INPP4B: variants seen among roughly 807,000 people sequenced by gnomAD.
INPP4B encodes inositol polyphosphate-4-phosphatase type II B.
In INPP4B, 55 loss-of-function variants were observed where a neutral mutation model predicts 122.5. That is an observed-to-expected ratio of 0.45 (90% confidence interval 0.36 to 0.56). The LOEUF is 0.56. INPP4B is among the 20% of genes least tolerant of loss of function. INPP4B has a pLI of 0.00. For missense variants in INPP4B, 1,000 were observed against 1,097.7 expected (o/e 0.91, Z 1.26); for synonymous variants, 403 against 388.7 (o/e 1.04, Z -0.43).
intron 2 of INPP4B, among the ~76,000 whole-genome samples, chr4:142,471,870 T>TACACACAC (rs145475720): frequency 4.6e-5 from 7 of 150,552 alleles, no homozygotes; most frequent in African/African-American, 1.7e-4. Flanking sequence ...CTCCATAGTA[T>TACACACAC]ACACACACAC....
intron 7 of INPP4B, among the ~76,000 whole-genome samples, chr4:142,343,501 A>C (rs1410757430): frequency 6.6e-6 from 1 of 151,592 alleles, no homozygotes; most frequent in African/African-American, 2.4e-5. Flanking sequence ...AAAAACCCCG[A>C]GAGTTTCTAA....
chr4:142,398,150 C>T (rs548004844), intron 7 of INPP4B, among the ~76,000 whole-genome samples: 40 of 150,952 alleles, frequency 2.6e-4, no homozygotes, highest in African/African-American at 9.2e-4. Context: ...CCGAGGCCGG[C>T]GGATCACGAG....
At chr4:142,104,444 A>C (rs572255030) in intron 23 of INPP4B, among the ~76,000 whole-genome samples, 4 of 152,174 alleles carry the variant, frequency 2.6e-5, no homozygotes. Flanking sequence ...AAGGAGAAGC[A>C]CTAATAACTG....
At chr4:142,310,478 A>G (rs1184780138) in intron 8 of INPP4B, among the ~76,000 whole-genome samples, 1 of 152,204 alleles carries the variant, frequency 6.6e-6, no homozygotes, top group Non-Finnish European at 1.5e-5. Context: ...TGTGACATAC[A>G]TTATATCCAT....
chr4:142,115,423 T>A (rs928560954), intron 21 of INPP4B, among the ~76,000 whole-genome samples: 1 of 152,150 alleles, frequency 6.6e-6, no homozygotes, highest in Non-Finnish European at 1.5e-5. Flanking sequence ...AAGATTGGGT[T>A]ACCCACAAAG....
intron 8 of INPP4B, among the ~76,000 whole-genome samples, chr4:142,306,105 A>G (rs1482298228): frequency 6.6e-6 from 1 of 152,146 alleles, no homozygotes; most frequent in African/African-American, 2.4e-5. Context: ...ACGAAAGAAA[A>G]TGGCACTTAT....
chr4:142,587,383 C>T (rs116734529), intron 2 of INPP4B, among the ~76,000 whole-genome samples: 3,383 of 151,660 alleles, frequency 0.022, 129 homozygotes, highest in African/African-American at 0.077. Flanking sequence ...AAAAGAATGC[C>T]CTTTTATAAA....
intron 1 of INPP4B, among the ~76,000 whole-genome samples, chr4:142,768,998 A>G (rs1034479780): frequency 2.0e-5 from 3 of 152,198 alleles, no homozygotes; most frequent in African/African-American, 7.2e-5. Context: ...CAATAGCCCA[A>G]GGTAAATGTT....
chr4:142,791,796 C>T (rs1228259812), intron 1 of INPP4B, among the ~76,000 whole-genome samples: 1 of 152,058 alleles, frequency 6.6e-6, no homozygotes, highest in East Asian at 1.9e-4. Context: ...GACACCCAGG[C>T]TCTGCTACTT....
chr4:142,395,418 A>G (rs1207522892), intron 7 of INPP4B, among the ~76,000 whole-genome samples: 1 of 152,220 alleles, frequency 6.6e-6, no homozygotes, highest in African/African-American at 2.4e-5. Context: ...TAAAAATAAT[A>G]GTTTTTGTTT....
At chr4:142,044,314 G>C (rs947548098) in intron 25 of INPP4B, among the ~76,000 whole-genome samples, 5 of 152,076 alleles carry the variant, frequency 3.3e-5, no homozygotes, top group Admixed American at 1.3e-4. Context: ...GCAAAACTGG[G>C]GGAATGCTTA....
At chr4:142,578,238 A>C (rs1476686154) in intron 2 of INPP4B, among the ~76,000 whole-genome samples, 1 of 152,008 alleles carries the variant, frequency 6.6e-6, no homozygotes, top group Non-Finnish European at 1.5e-5. Flanking sequence ...CTTGTCAACA[A>C]GATGGATACA....
At chr4:142,252,314 G>A (rs1054142586) in intron 11 of INPP4B, among the ~76,000 whole-genome samples, 20 of 149,922 alleles carry the variant, frequency 1.3e-4, no homozygotes, top group Admixed American at 2.7e-4. Flanking sequence ...TCAGCCTCCC[G>A]AGTAGCTGGG....
intron 5 of INPP4B, among the ~76,000 whole-genome samples, chr4:142,411,489 T>A (rs1804582714): frequency 6.6e-6 from 1 of 152,182 alleles, no homozygotes; most frequent in Non-Finnish European, 1.5e-5. Context: ...TCTTATGCCC[T>A]CTACAGACAC....
chr4:142,508,790 A>G (rs1824342149), intron 2 of INPP4B, among the ~76,000 whole-genome samples: 1 of 152,212 alleles, frequency 6.6e-6, no homozygotes, highest in African/African-American at 2.4e-5. Flanking sequence ...CTCTGAAGAC[A>G]TTCTTGGTTC....
intron 3 of INPP4B, among the ~76,000 whole-genome samples, chr4:142,458,965 G>C (rs1277211885): frequency 1.3e-5 from 2 of 152,308 alleles, no homozygotes; most frequent in African/African-American, 4.8e-5. Context: ...CCTGGCTCCC[G>C]ACTTTCAGGA....
At chr4:142,272,760 A>T (rs1328091368) in intron 9 of INPP4B, among the ~76,000 whole-genome samples, 1 of 152,016 alleles carries the variant, frequency 6.6e-6, no homozygotes, top group East Asian at 1.9e-4. Context: ...TAAAGCATAT[A>T]ATAAGGACCT....
At chr4:142,512,911 A>AT (rs1292209714) in intron 2 of INPP4B, among the ~76,000 whole-genome samples, 2 of 152,160 alleles carry the variant, frequency 1.3e-5, no homozygotes, top group African/African-American at 4.8e-5. Flanking sequence ...CGGTAACTAT[A>AT]TTTTTTGATA....
intron 1 of INPP4B, among the ~76,000 whole-genome samples, chr4:142,824,630 G>T (rs1186368431): frequency 1.3e-5 from 2 of 152,050 alleles, no homozygotes. Flanking sequence ...TCAGAAAAAT[G>T]AATTTCTTTA....
Sources: allele counts gnomAD v4.1 joint callset (sites outside exome capture counted in the v4.1 genomes callset), GRCh38; gene constraint gnomAD v4.1.1; transcripts MANE v1.5; gene names NCBI Gene and HGNC (gene_info 2026-07-23, HGNC 2026-07-21).